Variants in ABCB11 observed in about 807,000 individuals in gnomAD.
The protein encoded by ABCB11 is ATP binding cassette subfamily B member 11.
Under a neutral mutation model 148.0 loss-of-function variants are expected in ABCB11, and 95 were observed. That is an observed-to-expected ratio of 0.64 (90% CI 0.54 to 0.76). ABCB11 has a LOEUF of 0.76. ABCB11 is among the 30% of genes least tolerant of loss of function. The pLI is 0.00. For synonymous variants in ABCB11, 591 were observed against 555.4 expected, an observed-to-expected ratio of 1.06 and a Z score of -0.90; for missense variants, 1,523 against 1,617.8, an observed-to-expected ratio of 0.94 and a Z score of 1.01.
chr2:168,971,597 A>T (rs778751210), intron 14 of ABCB11, among the ~76,000 whole-genome samples: 4 of 152,056 alleles, frequency 2.6e-5, no homozygotes, highest in Non-Finnish European at 4.4e-5. Flanking sequence ...AGTTTGGTAG[A>T]TGTTTAATAT....
chr2:168,977,193 T>C (rs1228628348), intron 11 of ABCB11, among the ~76,000 whole-genome samples: 1 of 150,440 alleles, frequency 6.6e-6, no homozygotes, highest in Non-Finnish European at 1.5e-5. Flanking sequence ...TAAGATAATA[T>C]AGGAGACAAT....
chr2:168,988,762 G>A (rs1694415154), intron 9 of ABCB11, among the ~76,000 whole-genome samples: 1 of 151,984 alleles, frequency 6.6e-6, no homozygotes. Flanking sequence ...TTCCCCATAT[G>A]CTTGCCAACA....
intron 18 of ABCB11, 44 bp downstream of exon 18, chr2:168,964,162 G>A: frequency 7.0e-7 from 1 of 1,427,724 alleles, no homozygotes; most frequent in South Asian, 1.2e-5. Context: ...CAGTCCCCAG[G>A]AGAGACTTCT....
chr2:168,950,768 G>A (rs559709248), intron 19 of ABCB11, among the ~76,000 whole-genome samples: 82 of 151,862 alleles, frequency 5.4e-4, no homozygotes, highest in African/African-American at 1.9e-3. Context: ...CTGTGCAAAA[G>A]CTTTTTAGCT....
chr2:168,977,860 G>A (rs72623176), intron 11 of ABCB11, among the ~76,000 whole-genome samples: 11,799 of 152,056 alleles, frequency 0.078, 739 homozygotes, highest in East Asian at 0.35. Context: ...AAATGCTCCT[G>A]TGATCCAATG....
rs1415030396 is a variant in ABCB11, at chr2:169,016,826, A to G, written c.77-27T>C. The G allele has an allele frequency of 3.8e-6, 6 of 1,561,032 alleles. No homozygotes were observed. The East Asian group carries it at 1.4e-4, about 35-fold the overall frequency. ...TGTCAGAAAAAAAAATCAACGCAAA[A>G]AAGCAGTTAATAATAATGACAAAAT... On this transcript the variant is annotated intron_variant, in intron 2 of 27. Coordinates refer to ENST00000650372, the MANE Select transcript of ABCB11 (RefSeq NM_003742.4).
downstream of ABCB11, among the ~76,000 whole-genome samples, chr2:168,916,275 C>A (rs1427003181): frequency 1.3e-5 from 2 of 152,230 alleles, no homozygotes; most frequent in Non-Finnish European, 2.9e-5. Context: ...CTATCTCCAG[C>A]TCTCCTGTTC....
chr2:169,021,103 C>T (rs1002822463), intron 1 of ABCB11, among the ~76,000 whole-genome samples: 24 of 151,952 alleles, frequency 1.6e-4, no homozygotes, highest in African/African-American at 4.1e-4. Context: ...GCTGGGATTA[C>T]GGGTATGAGC....
rs776156961 is a variant in ABCB11 at position 168,935,239 on chromosome 2, T to C, written c.3001A>G (p.Arg1001Gly). ...TTGGAGATTAAGTAACCTCCATATCTGTAGGAAGCAGAATTCGCAATAAAC... is the reference window on the plus strand; with the variant it reads ...TTGGAGATTAAGTAACCTCCATATCCGTAGGAAGCAGAATTCGCAATAAAC... ...IMFIANSASYRYGGYLISNEG... is the reference protein window; with the variant it reads ...IMFIANSASYGYGGYLISNEG... The change falls in exon 23 of 28, where the codon AGA becomes GGA. Residue 1001 changes from arginine (R) to glycine (G), a missense_variant. By Grantham distance (125) the Arg-to-Gly change is moderately radical. Coordinates refer to ENST00000650372, the MANE Select transcript of ABCB11 (RefSeq NM_003742.4). 3.1e-6 allele frequency: 5 copies of C among 1,614,000 alleles called. No homozygotes were observed. In the South Asian group the frequency reaches 5.5e-5, roughly 18 times the overall value.
chr2:169,011,095 G>C (rs1695172173), intron 5 of ABCB11, among the ~76,000 whole-genome samples: 1 of 152,160 alleles, frequency 6.6e-6, no homozygotes, highest in Non-Finnish European at 1.5e-5. Context: ...AATGTTGAAA[G>C]TAGATTCATT....
At chr2:169,019,046 C>T (rs529876112) in intron 1 of ABCB11, among the ~76,000 whole-genome samples, 10 of 152,148 alleles carry the variant, frequency 6.6e-5, no homozygotes, top group Non-Finnish European at 1.2e-4. Flanking sequence ...ACCATCTCTT[C>T]GCTTGGAGCC....
At chr2:168,925,409 C>T (rs1016805560) in intron 26 of ABCB11, among the ~76,000 whole-genome samples, 3 of 152,168 alleles carry the variant, frequency 2.0e-5, no homozygotes, top group African/African-American at 7.2e-5. Flanking sequence ...ATCACTCATG[C>T]CTGGCATGGC....
Position 168,944,626 on chromosome 2 carries a change from T to C in ABCB11, c.2589A>G (p.Thr863=). The stretch of plus-strand genomic sequence containing the variant: ...TCACCCCTTGAACTTGGGAAGCATC[T>C]GTAGCAAGTCTTGTTGTCAATGCTC... ...SPGALTTRLA[T]DASQVQGAAG... Residue 863 remains threonine, a synonymous_variant, in exon 21 of 28, where the codon ACA becomes ACG. Transcript: ENST00000650372. The C allele has an allele frequency of 6.2e-7, 1 of 1,608,962 alleles. No individual in the cohort carries two copies. The highest frequency in any genetic ancestry group is 8.5e-7 in the Non-Finnish European group (1 of 1,177,158).
At chr2:169,006,131 GA>G (rs1306628362) in intron 5 of ABCB11, among the ~76,000 whole-genome samples, 1 of 152,100 alleles carries the variant, frequency 6.6e-6, no homozygotes, top group East Asian at 1.9e-4. Flanking sequence ...TATTAATATA[GA>G]CACAAAAATC....
chr2:168,945,052 C>T (rs992747841), intron 19 of ABCB11, 91 bp from the exon 20 acceptor site: 1 of 857,198 alleles, frequency 1.2e-6, no homozygotes, highest in African/African-American at 1.7e-5. Context: ...CTTACCATGT[C>T]ATTATATATC....
At chr2:169,015,827 C>T (rs889614990) in intron 3 of ABCB11, among the ~76,000 whole-genome samples, 3 of 152,182 alleles carry the variant, frequency 2.0e-5, no homozygotes, top group African/African-American at 7.2e-5. Flanking sequence ...CAAGGGCCAA[C>T]ATTTTTGCCT....
intron 23 of ABCB11, among the ~76,000 whole-genome samples, chr2:168,933,605 G>C (rs1347786630): frequency 6.6e-6 from 1 of 152,170 alleles, no homozygotes; most frequent in Non-Finnish European, 1.5e-5. Context: ...TTTTAGGCCA[G>C]AATTGCAAAT....
At chr2:168,960,887 A>G (rs915885463) in intron 18 of ABCB11, among the ~76,000 whole-genome samples, 1 of 151,748 alleles carries the variant, frequency 6.6e-6, no homozygotes, top group African/African-American at 2.4e-5. Flanking sequence ...TTAACAACAA[A>G]TCTCACAGAC....
At chr2:169,024,470 G>A (rs1302294351) in intron 1 of ABCB11, among the ~76,000 whole-genome samples, 1 of 121,332 alleles carries the variant, frequency 8.2e-6, no homozygotes, top group Non-Finnish European at 1.9e-5. Context: ...TGTGAAGATG[G>A]TACAAAATTC....
Sources: allele counts gnomAD v4.1 joint callset (sites outside exome capture counted in the v4.1 genomes callset), GRCh38; gene constraint gnomAD v4.1.1; transcripts MANE v1.5; gene names NCBI Gene and HGNC (gene_info 2026-07-23, HGNC 2026-07-21).